The following NTM variants were observed in gnomAD, a reference collection of about 807,000 sequenced individuals.
The protein encoded by NTM is IgLON family member 2.
Under a neutral mutation model 42.1 loss-of-function variants are expected in NTM, and 13 were observed. That is an observed-to-expected ratio of 0.31 (90% CI 0.20 to 0.49). The LOEUF is 0.49. Ranked by LOEUF, NTM falls within the 20% of genes least tolerant of loss-of-function variation. The pLI, the probability that NTM is intolerant of heterozygous loss-of-function variation, is 0.99. For synonymous variants in NTM, 187 were observed against 179.2 expected (o/e 1.04, Z -0.35); for missense variants, 373 against 452.8 (o/e 0.82, Z 1.60).
intron 1 of NTM, among the ~76,000 whole-genome samples, chr11:131,427,259 A>C (rs974732442): frequency 3.9e-5 from 6 of 152,102 alleles, no homozygotes; most frequent in African/African-American, 1.4e-4. Flanking sequence ...AGTGAACCCA[A>C]ATAAGGTCTG....
chr11:131,895,000 C>T (rs1351395285), intron 1 of NTM, among the ~76,000 whole-genome samples: 2 of 152,172 alleles, frequency 1.3e-5, no homozygotes, highest in Non-Finnish European at 2.9e-5. Context: ...GTAACTGAAG[C>T]TCGACCCTTG....
intron 4 of NTM, among the ~76,000 whole-genome samples, chr11:132,258,754 A>C (rs952251558): frequency 6.6e-6 from 1 of 152,224 alleles, no homozygotes; most frequent in African/African-American, 2.4e-5. Flanking sequence ...ACAAGTAAGC[A>C]GGGACACCAC....
chr11:131,874,046 TATA>T (rs2048237223), intron 1 of NTM, among the ~76,000 whole-genome samples: 1 of 39,704 alleles, frequency 2.5e-5, no homozygotes, highest in African/African-American at 1.8e-4. Context: ...TATATATATA[TATA>T]TATATATATA....
At chr11:131,491,508 T>G (rs71483668) in intron 1 of NTM, among the ~76,000 whole-genome samples, 1 of 151,100 alleles carries the variant, frequency 6.6e-6, no homozygotes, top group Non-Finnish European at 1.5e-5. Flanking sequence ...TGCATATTCT[T>G]TTCTTAAAGA....
At chr11:132,221,286 A>T (rs1024604306) in intron 4 of NTM, among the ~76,000 whole-genome samples, 2 of 152,198 alleles carry the variant, frequency 1.3e-5, no homozygotes, top group East Asian at 3.8e-4. Flanking sequence ...CTCTCTTCTA[A>T]AAACATTTAT....
At chr11:131,990,775 G>C (rs77255860) in intron 2 of NTM, among the ~76,000 whole-genome samples, 2,472 of 152,250 alleles carry the variant, frequency 0.016, 69 homozygotes, top group African/African-American at 0.057. Flanking sequence ...GTAGCATGGA[G>C]GATTTTGTCT....
At chr11:132,288,123 G>C (rs1330129183) in intron 4 of NTM, among the ~76,000 whole-genome samples, 1 of 152,218 alleles carries the variant, frequency 6.6e-6, no homozygotes, top group Non-Finnish European at 1.5e-5. Flanking sequence ...GATTGAAGCA[G>C]ACAGTTCTGC....
At chr11:131,882,329 C>T (rs1178661074) in intron 1 of NTM, among the ~76,000 whole-genome samples, 1 of 152,192 alleles carries the variant, frequency 6.6e-6, no homozygotes, top group Non-Finnish European at 1.5e-5. Context: ...CTCTGGCTGG[C>T]AGAATTCCCT....
At chr11:131,881,270 G>A (rs1354435256) in intron 1 of NTM, among the ~76,000 whole-genome samples, 1 of 152,104 alleles carries the variant, frequency 6.6e-6, no homozygotes, top group Admixed American at 6.6e-5. Flanking sequence ...AAGGACATAG[G>A]CAAATAGAAC....
chr11:131,843,095 GA>G (rs1309366884), intron 1 of NTM, among the ~76,000 whole-genome samples: 1 of 151,958 alleles, frequency 6.6e-6, no homozygotes, highest in African/African-American at 2.4e-5. Flanking sequence ...AAAATATGAT[GA>G]ATAATAAAAA....
chr11:132,310,726 T>G (rs1397498736), intron 6 of NTM, among the ~76,000 whole-genome samples: 1 of 152,170 alleles, frequency 6.6e-6, no homozygotes, highest in Non-Finnish European at 1.5e-5. Flanking sequence ...TAGCCCTCCC[T>G]TTGTGCCCAA....
In NTM at chr11:132,112,206, C is replaced by G. The variant is rs1566192308; in HGVS notation, c.168-34076C>G. On this transcript the variant is annotated intron_variant, in intron 2 of 8. Coordinates refer to ENST00000683400, the MANE Select transcript of NTM (RefSeq NM_001352005.2). ...GACAGTGTTATGCAGATTGGAGCAT[C>G]TTAAACAGACCACAATTGAATCAGT... is the stretch of plus-strand genomic sequence containing the variant. Among the ~76,000 whole-genome samples the G allele has an allele frequency of 3.1e-5, 4 of 129,724 alleles. No individual in the cohort carries two copies. The South Asian group carries it at 9.5e-4, about 31-fold the overall frequency. The allele number at this position is 129,724 out of a possible 152,430, so 85.1% of individuals were successfully genotyped here. A position where few individuals can be genotyped will look rare whatever the true frequency, so the allele number is the denominator to read the frequency against.
At chr11:132,260,605 G>A (rs1356234534) in intron 4 of NTM, among the ~76,000 whole-genome samples, 1 of 152,174 alleles carries the variant, frequency 6.6e-6, no homozygotes, top group Admixed American at 6.5e-5. Context: ...GTACAAGCTT[G>A]TGTCCTCGGG....
intron 6 of NTM, among the ~76,000 whole-genome samples, chr11:132,311,208 T>C (rs1049792605): frequency 6.6e-6 from 1 of 152,178 alleles, no homozygotes; most frequent in African/African-American, 2.4e-5. Context: ...TTTGTTTCCT[T>C]ATGAGGTCAG....
At chr11:131,663,955 A>G (rs997902074) in intron 1 of NTM, among the ~76,000 whole-genome samples, 1 of 152,210 alleles carries the variant, frequency 6.6e-6, no homozygotes, top group Non-Finnish European at 1.5e-5. Flanking sequence ...CTATCTGACT[A>G]CAGTATTTGT....
intron 1 of NTM, chr11:131,533,828 T>G (rs2051687008): frequency 6.6e-6 from 1 of 152,226 alleles, no homozygotes; most frequent in African/African-American, 2.4e-5. Context: ...ACCGCAGGTT[T>G]TGTCCAGCAA....
intron 1 of NTM, chr11:131,534,670 T>A (rs896491231): frequency 6.6e-6 from 1 of 152,214 alleles, no homozygotes; most frequent in Non-Finnish European, 1.5e-5. Flanking sequence ...AGCACAGGAC[T>A]GGAAGAAAAA....
At chr11:132,221,835 CAAATACT>C (rs1338322288) in intron 4 of NTM, among the ~76,000 whole-genome samples, 4 of 152,150 alleles carry the variant, frequency 2.6e-5, no homozygotes, top group African/African-American at 9.7e-5. Context: ...AATTTGCCCA[CAAATACT>C]AAACGGCAAA....
intron 1 of NTM, among the ~76,000 whole-genome samples, chr11:131,482,585 G>A (rs1591795722): frequency 6.6e-6 from 1 of 152,152 alleles, no homozygotes; most frequent in Admixed American, 6.5e-5. Flanking sequence ...AATCATTAAC[G>A]TGAATCTTCA....
Sources: gnomAD v4.1 joint callset for allele counts (sites outside exome capture counted in the v4.1 genomes callset) on GRCh38, gnomAD v4.1.1 for gene constraint, MANE v1.5 for transcripts, NCBI Gene and HGNC (gene_info 2026-07-23, HGNC 2026-07-21) for gene names.